CLVS1: variants seen among roughly 807,000 people sequenced by gnomAD.
CLVS1 encodes the protein clavesin 1, also known as clavesin-1.
Under a neutral mutation model 33.1 loss-of-function variants are expected in CLVS1, and 10 were observed. The ratio of observed to expected loss-of-function variants is 0.30; its 90% CI spans 0.19 to 0.51. CLVS1 has a LOEUF of 0.51. CLVS1 is among the 20% of genes least tolerant of loss of function. The pLI, the probability that CLVS1 is intolerant of heterozygous loss-of-function variation, is 0.97. For synonymous variants in CLVS1, 163 were observed against 166.1 expected (o/e 0.98, Z 0.14); for missense variants, 343 against 433.4 (o/e 0.79, Z 1.85).
At chr8:61,335,944 T>A (rs1258108115) in intron 2 of CLVS1, among the ~76,000 whole-genome samples, 1 of 152,154 alleles carries the variant, frequency 6.6e-6, no homozygotes, top group Non-Finnish European at 1.5e-5. Flanking sequence ...TAAAATATGC[T>A]GGGTGAGGGA....
Position 61,059,477 on chromosome 8 carries a change from T to TACATACATAC in CLVS1, c.-243+2248_-243+2249insCATACATACA, listed in dbSNP as rs1478607860. The stretch of plus-strand genomic sequence containing the variant: ...ACACACATATACATACATACATACA[T>TACATACATAC]ATATATATATATATATATATATACA... On this transcript the variant is annotated intron_variant, in intron 1 of 2. Coordinates refer to the CLVS1 transcript ENST00000522621. 3.1e-3 allele frequency among the ~76,000 whole-genome samples: 233 copies of TACATACATAC among 76,384 alleles called. 2 individuals carry two copies. The highest frequency in any genetic ancestry group is 0.02 in the East Asian group (37 of 1,828). 50.1% of individuals were successfully genotyped at this position (76,384 alleles called of 152,430 possible). A position where few individuals can be genotyped will look rare whatever the true frequency, so the allele number is the denominator to read the frequency against.
intron 2 of CLVS1, among the ~76,000 whole-genome samples, chr8:61,372,190 AT>A (rs1459096541): frequency 2.6e-5 from 4 of 152,184 alleles, no homozygotes; most frequent in South Asian, 2.1e-4. Flanking sequence ...ATCAAAAAAA[AT>A]TTCCCCCTGA....
At chr8:61,156,214 C>CAAAAAAAA (rs56094016) in intron 2 of CLVS1, among the ~76,000 whole-genome samples, 1 of 56,336 alleles carries the variant, frequency 1.8e-5, no homozygotes, top group Non-Finnish European at 2.9e-5. Flanking sequence ...GATTCCATCT[C>CAAAAAAAA]AAAAAAAAAA....
At chr8:61,167,152 T>C (rs1806885830) in intron 2 of CLVS1, among the ~76,000 whole-genome samples, 2 of 151,700 alleles carry the variant, frequency 1.3e-5, no homozygotes, top group East Asian at 3.9e-4. Flanking sequence ...CTGCTCCTTC[T>C]ATCTCCTTTT....
intron 3 of CLVS1, among the ~76,000 whole-genome samples, chr8:61,414,687 T>G (rs186159587): frequency 1.4e-4 from 22 of 152,276 alleles, no homozygotes; most frequent in South Asian, 8.3e-4. Flanking sequence ...AAAGCTGAAG[T>G]CCACAGATGA....
intron 2 of CLVS1, among the ~76,000 whole-genome samples, chr8:61,236,812 T>C (rs1808572078): frequency 6.6e-6 from 1 of 151,980 alleles, no homozygotes; most frequent in African/African-American, 2.4e-5. Flanking sequence ...GAGAGCTGAG[T>C]CGCTTCCCCA....
intron 2 of CLVS1, among the ~76,000 whole-genome samples, chr8:61,175,020 C>T (rs143692677): frequency 0.011 from 1,527 of 139,818 alleles, 12 homozygotes; most frequent in Non-Finnish European, 0.016. Flanking sequence ...TTGCTTCTGG[C>T]TTGCAAGTCC....
intron 2 of CLVS1, among the ~76,000 whole-genome samples, chr8:61,170,142 A>T (rs574083543): frequency 6.6e-6 from 1 of 152,242 alleles, no homozygotes; most frequent in East Asian, 1.9e-4. Context: ...TTATCCCCCA[A>T]TAGAAGCAAT....
At chr8:61,052,938 C>T (rs1396269286), upstream of CLVS1, among the ~76,000 whole-genome samples, 2 of 152,096 alleles carry the variant, frequency 1.3e-5, no homozygotes, top group Non-Finnish European at 2.9e-5. Context: ...CGACTTGGCC[C>T]AGGTTGGTGA....
At chr8:61,048,895 C>T in the CLVS1 span, among the ~76,000 whole-genome samples, 1 of 152,146 alleles carries the variant, frequency 6.6e-6, no homozygotes, top group Admixed American at 6.5e-5. Flanking sequence ...GAATCTTTGA[C>T]TGAGGCTCTG....
chr8:61,117,619 A>T (rs1405887113), intron 1 of CLVS1, among the ~76,000 whole-genome samples: 3 of 150,876 alleles, frequency 2.0e-5, no homozygotes, highest in African/African-American at 7.3e-5. Flanking sequence ...TTCTGCATCT[A>T]TTGAGATAAT....
chr8:61,033,024 A>G, the CLVS1 span, among the ~76,000 whole-genome samples: 44 of 118,184 alleles, frequency 3.7e-4, no homozygotes, highest in African/African-American at 1.2e-3. Context: ...AAAGAAAGAA[A>G]GAAAGAAAGA....
At chr8:61,471,217 T>C (rs1295916270) in intron 5 of CLVS1, among the ~76,000 whole-genome samples, 1 of 152,194 alleles carries the variant, frequency 6.6e-6, no homozygotes, top group Non-Finnish European at 1.5e-5. Flanking sequence ...ACAGAGTGGA[T>C]GTAACATGTG....
chr8:61,427,081 C>G (rs1815923685), intron 3 of CLVS1, among the ~76,000 whole-genome samples: 1 of 152,192 alleles, frequency 6.6e-6, no homozygotes, highest in Non-Finnish European at 1.5e-5. Context: ...CAAAACATTT[C>G]AAGTACAATC....
chr8:61,075,578 G>T (rs902177382), intron 1 of CLVS1, among the ~76,000 whole-genome samples: 4 of 152,216 alleles, frequency 2.6e-5, no homozygotes, highest in African/African-American at 9.7e-5. Context: ...CAGGCATGAT[G>T]CAAGTAAAAG....
chr8:61,338,081 A>T (rs1056240483), intron 2 of CLVS1, among the ~76,000 whole-genome samples: 1 of 152,130 alleles, frequency 6.6e-6, no homozygotes, highest in African/African-American at 2.4e-5. Context: ...TTCAGTCTTT[A>T]TGTCCTCAGG....
the CLVS1 span, among the ~76,000 whole-genome samples, chr8:60,970,974 T>C: frequency 6.6e-6 from 1 of 151,718 alleles, no homozygotes; most frequent in African/African-American, 2.4e-5. Context: ...CCTCAACTTA[T>C]CTTCCATCTC....
intron 2 of CLVS1, chr8:61,203,012 G>T: frequency 7.4e-7 from 1 of 1,349,828 alleles, no homozygotes; most frequent in Non-Finnish European, 1.0e-6. Flanking sequence ...AGATCAAAAG[G>T]ACAAGAATCT....
chr8:61,466,210 T>C (rs1216449199), intron 5 of CLVS1, among the ~76,000 whole-genome samples: 1 of 152,222 alleles, frequency 6.6e-6, no homozygotes, highest in East Asian at 1.9e-4. Flanking sequence ...CCAAATGAAC[T>C]GCTTTAAACT....
Sources: allele counts gnomAD v4.1 joint callset (sites outside exome capture counted in the v4.1 genomes callset), GRCh38; gene constraint gnomAD v4.1.1; transcripts MANE v1.5; gene names NCBI Gene and HGNC (gene_info 2026-07-23, HGNC 2026-07-21).